The following TCF7L1 variants were observed in gnomAD, a reference collection of about 807,000 sequenced individuals.
TCF7L1 encodes the protein transcription factor 7 like 1.
TCF7L1 carries 18 observed loss-of-function variants against 63.7 expected under a neutral mutation model. That is an observed-to-expected ratio of 0.28 (90% CI 0.20 to 0.42). TCF7L1 has a LOEUF of 0.42. TCF7L1 is among the 10% of genes least tolerant of loss of function. TCF7L1 has a pLI of 1.00. For synonymous variants in TCF7L1, 355 were observed against 340.9 expected (o/e 1.04, Z -0.46); for missense variants, 654 against 779.3 (o/e 0.84, Z 1.91).
At chr2:85,301,317 TG>T (rs1320225840) in intron 4 of TCF7L1, among the ~76,000 whole-genome samples, 1 of 152,204 alleles carries the variant, frequency 6.6e-6, no homozygotes, top group Admixed American at 6.5e-5. Flanking sequence ...GTAATCTTTC[TG>T]GGCTGTTCCC....
chr2:85,264,683 G>A (rs1180342472), intron 3 of TCF7L1, among the ~76,000 whole-genome samples: 2 of 152,166 alleles, frequency 1.3e-5, no homozygotes, highest in African/African-American at 2.4e-5. Flanking sequence ...TAGAGCCTTT[G>A]TGCTCTGAAA....
chr2:85,136,806 A>G (rs1677606002), intron 3 of TCF7L1, among the ~76,000 whole-genome samples: 1 of 152,196 alleles, frequency 6.6e-6, no homozygotes, highest in African/African-American at 2.4e-5. Flanking sequence ...GTGAGGAAAC[A>G]CTTAAGCACT....
chr2:85,178,102 A>T (rs1678720054), intron 3 of TCF7L1, among the ~76,000 whole-genome samples: 2 of 152,134 alleles, frequency 1.3e-5, no homozygotes, highest in Admixed American at 6.6e-5. Flanking sequence ...GGTGAGGAAA[A>T]AAATGGTATG....
chr2:85,135,842 TGTAA>T (rs1305176108), intron 3 of TCF7L1, among the ~76,000 whole-genome samples: 1 of 150,932 alleles, frequency 6.6e-6, no homozygotes, highest in Non-Finnish European at 1.5e-5. Flanking sequence ...AAGTCCTGAA[TGTAA>T]GTGTCAGTTT....
At chr2:85,230,787 C>G (rs1398582854) in intron 3 of TCF7L1, among the ~76,000 whole-genome samples, 2 of 152,184 alleles carry the variant, frequency 1.3e-5, no homozygotes, top group Non-Finnish European at 2.9e-5. Flanking sequence ...TGCGAAGAAC[C>G]AGTACTACTA....
At chr2:85,175,553 G>A (rs1205725287) in intron 3 of TCF7L1, among the ~76,000 whole-genome samples, 2 of 152,190 alleles carry the variant, frequency 1.3e-5, no homozygotes, top group South Asian at 2.1e-4. Flanking sequence ...TAAGCAAATC[G>A]ACAACAATGA....
chr2:85,139,006 T>C (rs1475816405), intron 3 of TCF7L1, among the ~76,000 whole-genome samples: 1 of 152,122 alleles, frequency 6.6e-6, no homozygotes, highest in East Asian at 1.9e-4. Context: ...TTTCTTTTTT[T>C]TTTTCTTTTC....
intron 3 of TCF7L1, among the ~76,000 whole-genome samples, chr2:85,137,047 G>A (rs770826545): frequency 5.9e-5 from 9 of 152,072 alleles, no homozygotes; most frequent in Non-Finnish European, 1.2e-4. Flanking sequence ...CTTTTTTATT[G>A]TTTGGCCTCT....
At chr2:85,255,880 G>A (rs2043229) in intron 3 of TCF7L1, among the ~76,000 whole-genome samples, 89,316 of 152,016 alleles carry the variant, frequency 0.59, 26,865 homozygotes, top group Non-Finnish European at 0.66. Flanking sequence ...GTCACTGTGC[G>A]GTGATTGACT....
intron 3 of TCF7L1, among the ~76,000 whole-genome samples, chr2:85,222,762 C>A (rs1261960545): frequency 6.6e-6 from 1 of 151,676 alleles, no homozygotes; most frequent in Admixed American, 6.6e-5. Flanking sequence ...GCATTGGATC[C>A]TGATTGGAAT....
intron 3 of TCF7L1, among the ~76,000 whole-genome samples, chr2:85,238,243 G>A (rs1224644110): frequency 6.6e-6 from 1 of 152,212 alleles, no homozygotes; most frequent in African/African-American, 2.4e-5. Context: ...GGCACTTTGT[G>A]TCCTGTGAAG....
At chr2:85,176,271 G>A (rs1341311888) in intron 3 of TCF7L1, among the ~76,000 whole-genome samples, 9 of 152,178 alleles carry the variant, frequency 5.9e-5, no homozygotes, top group Non-Finnish European at 1.3e-4. Flanking sequence ...TCCGCTGACT[G>A]ACCATATGTT....
chr2:85,249,010 A>AC (rs1680532918), intron 3 of TCF7L1, among the ~76,000 whole-genome samples: 1 of 151,846 alleles, frequency 6.6e-6, no homozygotes, highest in Non-Finnish European at 1.5e-5. Context: ...GAAAAAAAAA[A>AC]CAGGAGGAAG....
chr2:85,144,755 G>A (rs1379223616), intron 3 of TCF7L1, among the ~76,000 whole-genome samples: 1 of 147,238 alleles, frequency 6.8e-6, no homozygotes, highest in Non-Finnish European at 1.5e-5. Context: ...GTGTGTATGT[G>A]TGTGTGTGTG....
At chr2:85,146,690 G>T (rs999794231) in intron 3 of TCF7L1, among the ~76,000 whole-genome samples, 64 of 151,944 alleles carry the variant, frequency 4.2e-4, no homozygotes, top group Non-Finnish European at 9.1e-4. Context: ...TTTTAGTAGA[G>T]ACGAGATTTC....
rs1341008189 is a variant in TCF7L1, at chr2:85,214,224, G to T, written c.442-69271G>T. 2.0e-5 allele frequency among the ~76,000 whole-genome samples: 3 copies of T among 152,224 alleles called. No homozygotes were observed. In the East Asian group the frequency reaches 5.8e-4, roughly 29 times the overall value. Reference sequence around the variant, plus strand: ...GCTGTCAGCGTGTCAAGGATGACGGGTGGCAAGAGGGGTAAACACAGCTTG... The same window carrying T: ...GCTGTCAGCGTGTCAAGGATGACGGTTGGCAAGAGGGGTAAACACAGCTTG... On this transcript the variant is annotated intron_variant, in intron 3 of 11. Transcript: ENST00000282111.
At chr2:85,246,912 G>A (rs1413686724) in intron 3 of TCF7L1, among the ~76,000 whole-genome samples, 5 of 152,124 alleles carry the variant, frequency 3.3e-5, no homozygotes, top group Non-Finnish European at 7.4e-5. Context: ...ATAGGTCCTG[G>A]CTACCCACCA....
chr2:85,155,898 CTAAT>C (rs1027213847), intron 3 of TCF7L1, among the ~76,000 whole-genome samples: 1 of 152,146 alleles, frequency 6.6e-6, no homozygotes, highest in Non-Finnish European at 1.5e-5. Context: ...CCTTTGTACA[CTAAT>C]TAACGCAGGC....
chr2:85,307,699 C>G lies in TCF7L1; in HGVS notation c.1315C>G (p.Gln439Glu), dbSNP rs942531165. Residue 439 changes from glutamine to glutamate, a missense_variant, in exon 11 of 12, where the codon CAA becomes GAA. Transcript: ENST00000282111. ...GCTGTCCCAGACACAGTCACAGCAG[C>G]AAGTCCAGGAGGCAGAGGGTGCGTC... ...KQLSQTQSQQ[Q>E]VQEAEGALAS... The G allele has an allele frequency of 1.9e-6, 3 of 1,613,622 alleles. No individual in the cohort carries two copies. The African/African-American group carries it at 4.0e-5, about 22-fold the overall frequency.
Sources: allele counts gnomAD v4.1 joint callset (sites outside exome capture counted in the v4.1 genomes callset), GRCh38; gene constraint gnomAD v4.1.1; transcripts MANE v1.5; gene names NCBI Gene and HGNC (gene_info 2026-07-23, HGNC 2026-07-21).